The following TRHDE variants were observed in gnomAD, a reference collection of about 807,000 sequenced individuals.
TRHDE encodes the protein thyrotropin releasing hormone degrading enzyme, also known as thyrotropin-releasing hormone-degrading ectoenzyme.
TRHDE carries 72 observed loss-of-function variants against 125.7 expected under a neutral mutation model. The observed-to-expected ratio is 0.57, with a 90% CI of 0.47 to 0.70. TRHDE has a LOEUF of 0.70. TRHDE is among the 30% of genes least tolerant of loss of function. TRHDE has a pLI of 0.00. For missense variants in TRHDE, 1,110 were observed against 1,327.1 expected, an observed-to-expected ratio of 0.84 and a Z score of 2.54; for synonymous variants, 509 against 509.1, an observed-to-expected ratio of 1.00 and a Z score of 0.00.
Position 72,469,777 on chromosome 12 carries a change from G to A in TRHDE, c.1335G>A (p.Lys445=). Residue 445 remains lysine (K), a synonymous_variant, in exon 4 of 19, where the codon AAG becomes AAA. Transcript: ENST00000261180. ...LPKLDLLAVP[K]HPYAAMENWG... is the part of the protein sequence containing the mutation. The stretch of plus-strand genomic sequence containing the variant: ...TTCTAGATCTTTTAGCTGTGCCTAA[G>A]CATCCGTATGCTGCTATGGAGAACT... 6.2e-7 allele frequency: 1 copy of A among 1,613,974 alleles called. No individual in the cohort carries two copies. The highest frequency in any genetic ancestry group is 8.5e-7 in the Non-Finnish European group (1 of 1,179,940).
chr12:72,573,064 T>A (rs1016936305), intron 10 of TRHDE, among the ~76,000 whole-genome samples: 3 of 151,954 alleles, frequency 2.0e-5, no homozygotes, highest in African/African-American at 7.2e-5. Context: ...AAGTAGATTT[T>A]AAATATTTTG....
chr12:72,624,236 A>C (rs546125570), intron 15 of TRHDE, among the ~76,000 whole-genome samples: 2 of 152,078 alleles, frequency 1.3e-5, no homozygotes, highest in South Asian at 4.1e-4. Context: ...AATTGAGTCA[A>C]GAAGGAAAGA....
chr12:72,146,490 T>C (rs1350920456), intron 2 of TRHDE, among the ~76,000 whole-genome samples: 1 of 152,204 alleles, frequency 6.6e-6, no homozygotes, highest in East Asian at 1.9e-4. Flanking sequence ...TATTTAAGAT[T>C]GGGTAGAACT....
intron 6 of TRHDE, among the ~76,000 whole-genome samples, chr12:72,507,630 G>A (rs1393817257): frequency 6.6e-6 from 1 of 152,168 alleles, no homozygotes; most frequent in Admixed American, 6.5e-5. Context: ...GAAGCAGAGT[G>A]TAAAAGTTTG....
At chr12:72,638,456 C>T (rs1310692392) in intron 15 of TRHDE, among the ~76,000 whole-genome samples, 1 of 151,188 alleles carries the variant, frequency 6.6e-6, no homozygotes, top group African/African-American at 2.4e-5. Context: ...GACTCTTTAT[C>T]CAATTTGCCA....
rs867578821 is a variant in TRHDE, at chr12:72,545,182, A to G, written c.1788+2826A>G. ...TCTGTGGTTAGATTATGTGTCACTAATAAATATTTTTTAAATGCAAAAATG... is the reference window on the plus strand; with the variant it reads ...TCTGTGGTTAGATTATGTGTCACTAGTAAATATTTTTTAAATGCAAAAATG... On this transcript the variant is annotated intron_variant, in intron 7 of 18. Coordinates refer to ENST00000261180, the MANE Select transcript of TRHDE (RefSeq NM_013381.3). Among the ~76,000 whole-genome samples the G allele has an allele frequency of 1.8e-4, 27 of 151,486 alleles. 1 individual carries two copies. Among genetic ancestry groups the G allele is most frequent in the Admixed American group, 5.9e-4 (9 of 15,156 alleles).
intron 6 of TRHDE, among the ~76,000 whole-genome samples, chr12:72,519,564 T>G (rs982501257): frequency 6.6e-6 from 1 of 152,200 alleles, no homozygotes; most frequent in Admixed American, 6.5e-5. Context: ...TTTCAAAGTT[T>G]TAAACTTCTT....
At chr12:72,317,035 C>G (rs12320946) in intron 2 of TRHDE, among the ~76,000 whole-genome samples, 3,740 of 152,232 alleles carry the variant, frequency 0.025, 138 homozygotes, top group African/African-American at 0.086. Flanking sequence ...CAAACATATA[C>G]TGAGCATCAG....
chr12:72,460,234 TC>T (rs2135884092), intron 3 of TRHDE, among the ~76,000 whole-genome samples: 1 of 152,314 alleles, frequency 6.6e-6, no homozygotes, highest in South Asian at 2.1e-4. Flanking sequence ...CTCACAGTAG[TC>T]CTGCAAAATA....
intron 2 of TRHDE, among the ~76,000 whole-genome samples, chr12:72,240,128 C>G (rs1878445237): frequency 6.6e-6 from 1 of 151,954 alleles, no homozygotes; most frequent in Non-Finnish European, 1.5e-5. Flanking sequence ...TTTTGACCTT[C>G]TGTTTTCTTA....
At chr12:72,378,228 A>G (rs897995996) in intron 3 of TRHDE, 107 bp downstream of exon 3, 4 of 1,135,794 alleles carry the variant, frequency 3.5e-6, no homozygotes, top group Non-Finnish European at 4.7e-6. Flanking sequence ...TGAGATTTAT[A>G]TTTTTAGAGA....
intron 3 of TRHDE, among the ~76,000 whole-genome samples, chr12:72,390,620 A>AT (rs1038627715): frequency 6.6e-6 from 1 of 151,990 alleles, no homozygotes; most frequent in Non-Finnish European, 1.5e-5. Context: ...GTCAAAATAC[A>AT]TTTTTTTCTT....
intron 5 of TRHDE, among the ~76,000 whole-genome samples, chr12:72,491,030 G>T (rs1004481369): frequency 7.3e-5 from 11 of 149,678 alleles, no homozygotes; most frequent in African/African-American, 2.7e-4. Flanking sequence ...TGAGATGATG[G>T]ATATGTTAAT....
At chr12:72,274,216 G>C (rs994229726) in intron 1 of TRHDE, among the ~76,000 whole-genome samples, 3 of 152,192 alleles carry the variant, frequency 2.0e-5, no homozygotes, top group Non-Finnish European at 4.4e-5. Context: ...GTGGCCTCGC[G>C]GGCGCTGCCA....
intron 2 of TRHDE, among the ~76,000 whole-genome samples, chr12:72,138,647 A>G (rs1876044276): frequency 1.3e-5 from 2 of 152,216 alleles, no homozygotes; most frequent in Admixed American, 1.3e-4. Flanking sequence ...TATTAATAAC[A>G]TCAGATAATT....
chr12:72,608,822 C>A (rs1453368170), intron 12 of TRHDE, among the ~76,000 whole-genome samples: 1 of 151,964 alleles, frequency 6.6e-6, no homozygotes, highest in African/African-American at 2.4e-5. Flanking sequence ...AACAATTATC[C>A]CCAGTTCTTT....
intron 2 of TRHDE, among the ~76,000 whole-genome samples, chr12:72,250,116 A>G (rs968072060): frequency 6.6e-6 from 1 of 152,210 alleles, no homozygotes; most frequent in Non-Finnish European, 1.5e-5. Context: ...AGTGATAAAA[A>G]GCAAAATAAT....
At chr12:72,464,821 G>A (rs2135890451) in intron 3 of TRHDE, among the ~76,000 whole-genome samples, 1 of 152,274 alleles carries the variant, frequency 6.6e-6, no homozygotes, top group East Asian at 1.9e-4. Context: ...GTTAAGAATA[G>A]AAGGCAAATT....
At chr12:72,621,466 A>G in intron 14 of TRHDE, 178 bp from the exon 15 acceptor site, 2 of 597,058 alleles carry the variant, frequency 3.3e-6, no homozygotes, top group Non-Finnish European at 2.9e-6. Flanking sequence ...CTCTCACTGG[A>G]GTACTGTTAA....
Sources: allele counts gnomAD v4.1 joint callset (sites outside exome capture counted in the v4.1 genomes callset), GRCh38; gene constraint gnomAD v4.1.1; transcripts MANE v1.5; gene names NCBI Gene and HGNC (gene_info 2026-07-23, HGNC 2026-07-21).